Variants in ERC1 observed in about 807,000 individuals in gnomAD.
The protein encoded by ERC1 is ELKS/RAB6-interacting/CAST family member 1, also known as RAB6 interacting protein 2.
ERC1 carries 56 observed loss-of-function variants against 132.0 expected under a neutral mutation model. The observed-to-expected ratio is 0.42, with a 90% CI of 0.34 to 0.53. The LOEUF (loss-of-function observed/expected upper bound fraction) is 0.53, where lower values mean the gene tolerates loss of function less well. ERC1 is among the 20% of genes least tolerant of loss of function. ERC1 has a pLI of 0.03. For missense variants in ERC1, 1,202 were observed against 1,349.9 expected (o/e 0.89, Z 1.72); for synonymous variants, 478 against 476.1 (o/e 1.00, Z -0.05).
chr12:1,077,236 TA>T (rs1226128597), intron 2 of ERC1, among the ~76,000 whole-genome samples: 1 of 152,184 alleles, frequency 6.6e-6, no homozygotes, highest in African/African-American at 2.4e-5. Context: ...TTTTTTTCTC[TA>T]AAAATATCTC....
At chr12:1,018,187 C>T (rs1236790364) in intron 1 of ERC1, among the ~76,000 whole-genome samples, 1 of 152,000 alleles carries the variant, frequency 6.6e-6, no homozygotes, top group Non-Finnish European at 1.5e-5. Flanking sequence ...AGGAGGTTGT[C>T]AGTTCATGGA....
intron 15 of ERC1, among the ~76,000 whole-genome samples, chr12:1,294,829 C>T (rs2079790166): frequency 6.6e-6 from 1 of 151,884 alleles, no homozygotes; most frequent in Non-Finnish European, 1.5e-5. Context: ...TTTAATTTTC[C>T]TTTCAGGACC....
upstream of ERC1, chr12:990,621 G>A (rs1672009785): frequency 6.6e-6 from 1 of 152,246 alleles, no homozygotes; most frequent in Non-Finnish European, 1.5e-5. Flanking sequence ...GCAGCCCCGC[G>A]AGTCTCAGGT....
intron 15 of ERC1, among the ~76,000 whole-genome samples, chr12:1,369,807 G>A (rs900814159): frequency 6.6e-6 from 1 of 152,154 alleles, no homozygotes; most frequent in Non-Finnish European, 1.5e-5. Context: ...GGGACAGTGC[G>A]ATGAGAATCT....
At chr12:1,333,128 G>A (rs1222260778) in intron 15 of ERC1, among the ~76,000 whole-genome samples, 2 of 150,226 alleles carry the variant, frequency 1.3e-5, no homozygotes, top group African/African-American at 5.0e-5. Flanking sequence ...TTAGGCGCCA[G>A]TGGCTGTTGT....
chr12:1,170,557 G>T (rs551040068), intron 8 of ERC1, among the ~76,000 whole-genome samples: 1 of 152,266 alleles, frequency 6.6e-6, no homozygotes, highest in African/African-American at 2.4e-5. Context: ...GGATTTATGT[G>T]CCCTCTTTGT....
At chr12:1,335,887 T>G (rs1485847202) in intron 15 of ERC1, among the ~76,000 whole-genome samples, 1 of 136,618 alleles carries the variant, frequency 7.3e-6, no homozygotes, top group African/African-American at 2.5e-5. Context: ...ATTTATTTGG[T>G]TGGTTGGTTG....
rs142870752 is a variant in ERC1, at chr12:1,277,733, A to G, written c.2620-12119A>G. 6.4e-3 allele frequency among the ~76,000 whole-genome samples: 979 copies of G among 152,346 alleles called. 11 individuals carry two copies. Among genetic ancestry groups the G allele is most frequent in the African/African-American group, 0.023 (936 of 41,566 alleles). ...TGTAAAGCAGTTTACTGGTTTCTGC[A>G]GAAGTTCATCATGTTTGGTCAATGC... On this transcript the variant is annotated intron_variant, in intron 14 of 18. Coordinates refer to ENST00000360905, the MANE Select transcript of ERC1 (RefSeq NM_178040.4).
intron 2 of ERC1, among the ~76,000 whole-genome samples, chr12:1,061,711 C>T (rs1593031078): frequency 1.5e-5 from 1 of 64,634 alleles, no homozygotes; most frequent in African/African-American, 9.0e-5. Flanking sequence ...ATCTCTCTCT[C>T]CCCCCCCATA....
chr12:1,223,121 G>C (rs770749951), intron 12 of ERC1, among the ~76,000 whole-genome samples: 15 of 152,304 alleles, frequency 9.8e-5, no homozygotes, highest in Non-Finnish European at 1.9e-4. Flanking sequence ...AAATATATCA[G>C]AGGAGGACTT....
chr12:1,281,973 A>G (rs928358639), intron 14 of ERC1, among the ~76,000 whole-genome samples: 3 of 152,026 alleles, frequency 2.0e-5, no homozygotes, highest in Admixed American at 1.3e-4. Context: ...TTCAAACCCT[A>G]CTTAGGAGTG....
intron 2 of ERC1, among the ~76,000 whole-genome samples, chr12:1,076,481 G>C (rs1015481569): frequency 6.8e-6 from 1 of 147,928 alleles, no homozygotes; most frequent in Non-Finnish European, 1.5e-5. Flanking sequence ...TGCAACCTCT[G>C]CCTCCCCGGT....
intron 3 of ERC1, among the ~76,000 whole-genome samples, chr12:1,084,878 A>T (rs184655256): frequency 2.1e-3 from 313 of 151,994 alleles, no homozygotes; most frequent in African/African-American, 6.9e-3. Context: ...TAAAAAAAAA[A>T]TTTTGTAGAG....
intron 1 of ERC1, among the ~76,000 whole-genome samples, chr12:1,007,460 T>TTCTCTC (rs72040785): frequency 1.3e-3 from 174 of 135,058 alleles, no homozygotes; most frequent in African/African-American, 4.2e-3. Flanking sequence ...GGGTAATTCA[T>TTCTCTC]TCTCTCTCTC....
At chr12:1,470,451 T>G (rs939077110) in intron 18 of ERC1, among the ~76,000 whole-genome samples, 4 of 144,014 alleles carry the variant, frequency 2.8e-5, no homozygotes, top group South Asian at 2.2e-4. Context: ...GTTTTTTTTG[T>G]TTTTTTTTTT....
At chr12:1,257,807 T>C (rs149117290) in intron 13 of ERC1, among the ~76,000 whole-genome samples, 22 of 152,340 alleles carry the variant, frequency 1.4e-4, no homozygotes, top group African/African-American at 4.6e-4. Context: ...TTTCTAATAG[T>C]CTCATTAAAA....
chr12:1,403,108 A>G (rs957073095), intron 16 of ERC1, among the ~76,000 whole-genome samples: 14 of 152,252 alleles, frequency 9.2e-5, no homozygotes, highest in African/African-American at 3.4e-4. Context: ...CAGAATAGAC[A>G]ACTAACTCCT....
intron 17 of ERC1, among the ~76,000 whole-genome samples, chr12:1,431,068 G>T (rs1049073763): frequency 6.6e-6 from 1 of 152,146 alleles, no homozygotes; most frequent in African/African-American, 2.4e-5. Flanking sequence ...TTGCCCGTAG[G>T]AACTACTCAG....
intron 13 of ERC1, among the ~76,000 whole-genome samples, chr12:1,260,751 T>A (rs1234140164): frequency 6.6e-6 from 1 of 152,240 alleles, no homozygotes; most frequent in East Asian, 1.9e-4. Flanking sequence ...TGTATTTTAC[T>A]ATCCTAGTTT....
Sources: gnomAD v4.1 joint callset for allele counts (sites outside exome capture counted in the v4.1 genomes callset) on GRCh38, gnomAD v4.1.1 for gene constraint, MANE v1.5 for transcripts, NCBI Gene and HGNC (gene_info 2026-07-23, HGNC 2026-07-21) for gene names.